Variants in PLCL1 observed in about 807,000 individuals in gnomAD.
PLCL1 encodes the protein inactive phospholipase C-like protein 1.
A neutral mutation model predicts 84.4 loss-of-function variants in PLCL1; 41 were observed. The observed-to-expected ratio is 0.49, with a 90% CI of 0.38 to 0.63. The LOEUF is 0.63. Ranked by LOEUF, PLCL1 falls within the 30% of genes least tolerant of loss-of-function variation. PLCL1 has a pLI of 0.00. For synonymous variants in PLCL1, 490 were observed against 488.3 expected, an observed-to-expected ratio of 1.00 and a Z score of -0.05; for missense variants, 1,206 against 1,367.8, an observed-to-expected ratio of 0.88 and a Z score of 1.87.
At chr2:197,918,017 G>A (rs986827068) in intron 1 of PLCL1, among the ~76,000 whole-genome samples, 7 of 152,186 alleles carry the variant, frequency 4.6e-5, no homozygotes, top group African/African-American at 1.7e-4. Flanking sequence ...GTGGGTTAAA[G>A]TAACTTTACA....
At chr2:197,922,839 C>A in intron 1 of PLCL1, among the ~76,000 whole-genome samples, 1 of 129,754 alleles carries the variant, frequency 7.7e-6, no homozygotes, top group African/African-American at 2.8e-5. Context: ...CCTCACTTCC[C>A]AGTAGGGGCG....
intron 1 of PLCL1, among the ~76,000 whole-genome samples, chr2:197,842,002 T>C (rs1177106020): frequency 6.6e-6 from 1 of 152,226 alleles, no homozygotes; most frequent in Non-Finnish European, 1.5e-5. Context: ...CAGAAGGTTT[T>C]AGCCTATGTT....
At chr2:197,935,940 C>T (rs1052476242) in intron 1 of PLCL1, among the ~76,000 whole-genome samples, 13 of 152,200 alleles carry the variant, frequency 8.5e-5, no homozygotes, top group Non-Finnish European at 1.8e-4. Flanking sequence ...TGTCATTCTA[C>T]TATCTACTTC....
chr2:197,905,620 G>A (rs1688367394), intron 1 of PLCL1, among the ~76,000 whole-genome samples: 1 of 152,188 alleles, frequency 6.6e-6, no homozygotes, highest in African/African-American at 2.4e-5. Flanking sequence ...CCAGTAATGG[G>A]ATTGCTGGGT....
intron 1 of PLCL1, among the ~76,000 whole-genome samples, chr2:197,983,200 C>CTTTTTTTCTTT (rs1690150482): frequency 1.7e-5 from 1 of 60,256 alleles, no homozygotes; most frequent in African/African-American, 6.4e-5. Flanking sequence ...CTTTTCTTTT[C>CTTTTTTTCTTT]TTTTTTTTTT....
intron 2 of PLCL1, 52 bp from the exon 3 acceptor site, chr2:198,088,806 C>A: frequency 2.0e-6 from 2 of 1,014,948 alleles, no homozygotes; most frequent in South Asian, 1.3e-5. Flanking sequence ...GGAGTGCTGG[C>A]GGTGATGTGT....
At chr2:198,095,308 A>G (rs575749874) in intron 3 of PLCL1, among the ~76,000 whole-genome samples, 3 of 152,340 alleles carry the variant, frequency 2.0e-5, no homozygotes, top group South Asian at 2.1e-4. Flanking sequence ...AAAATATCCC[A>G]CTGAAGTAGG....
At chr2:197,974,792 G>A (rs181939871) in intron 1 of PLCL1, among the ~76,000 whole-genome samples, 1 of 152,330 alleles carries the variant, frequency 6.6e-6, no homozygotes, top group Non-Finnish European at 1.5e-5. Flanking sequence ...TCTCAGCTGC[G>A]CTGTCAGAAG....
In PLCL1 at chr2:197,860,961, G is replaced by T. The variant is rs554748605; in HGVS notation, c.240+55622G>T. On this transcript the variant is annotated intron_variant, in intron 1 of 5. Transcript: ENST00000428675. Reference sequence around the variant, plus strand: ...CTTTGCCCGTTCCTATGTCCAGAATGGTATTGTCTAGATTGGGATCCCTGT... The same window carrying T: ...CTTTGCCCGTTCCTATGTCCAGAATTGTATTGTCTAGATTGGGATCCCTGT... Among the ~76,000 whole-genome samples, 3 of 152,256 alleles carry T rather than the reference G, an allele frequency of 2.0e-5. No homozygotes were observed. The South Asian group carries it at 6.2e-4, about 32-fold the overall frequency.
chr2:197,982,574 A>G (rs1013476964), intron 1 of PLCL1, among the ~76,000 whole-genome samples: 12 of 152,222 alleles, frequency 7.9e-5, no homozygotes, highest in Non-Finnish European at 1.3e-4. Context: ...CCAGGATTTT[A>G]CGAATCTCAA....
chr2:198,081,235 G>A (rs966986844), intron 1 of PLCL1, among the ~76,000 whole-genome samples: 5 of 152,134 alleles, frequency 3.3e-5, no homozygotes, highest in Admixed American at 6.5e-5. Flanking sequence ...TGGAACATGA[G>A]CTGCTTATAT....
chr2:197,959,736 T>C (rs1689570762), intron 1 of PLCL1, among the ~76,000 whole-genome samples: 1 of 152,040 alleles, frequency 6.6e-6, no homozygotes, highest in African/African-American at 2.4e-5. Context: ...TTCTAGTTTC[T>C]TGGGAAAAAA....
chr2:197,891,574 A>ATTT (rs773415674), intron 1 of PLCL1, among the ~76,000 whole-genome samples: 1 of 141,804 alleles, frequency 7.1e-6, no homozygotes, highest in Non-Finnish European at 1.5e-5. Context: ...AGGGCTTTAG[A>ATTT]TTTTTTTTTT....
chr2:197,882,594 A>G (rs1047970007), intron 1 of PLCL1, among the ~76,000 whole-genome samples: 4 of 152,200 alleles, frequency 2.6e-5, no homozygotes, highest in Admixed American at 2.6e-4. Flanking sequence ...TATTTTAGCC[A>G]AAGTATGCAT....
intron 1 of PLCL1, among the ~76,000 whole-genome samples, chr2:197,891,734 A>C (rs1688033323): frequency 6.6e-6 from 1 of 152,092 alleles, no homozygotes; most frequent in African/African-American, 2.4e-5. Context: ...GGTTATTTTT[A>C]TCAACAATAA....
At chr2:198,055,361 GAGAA>G (rs1232897121) in intron 1 of PLCL1, among the ~76,000 whole-genome samples, 10 of 65,676 alleles carry the variant, frequency 1.5e-4, no homozygotes, top group African/African-American at 6.8e-4. Flanking sequence ...ATGAGAGAGA[GAGAA>G]AGAGAGAGAG....
At chr2:198,133,292 C>T (rs1038144330) in intron 5 of PLCL1, among the ~76,000 whole-genome samples, 19 of 147,576 alleles carry the variant, frequency 1.3e-4, no homozygotes, top group African/African-American at 4.3e-4. Flanking sequence ...AACCAAACAC[C>T]GCATATTCTC....
At chr2:197,970,766 A>G (rs552175755) in intron 1 of PLCL1, among the ~76,000 whole-genome samples, 13 of 152,262 alleles carry the variant, frequency 8.5e-5, no homozygotes, top group African/African-American at 2.9e-4. Flanking sequence ...ACAACATCCA[A>G]CAGTGTCTGG....
intron 1 of PLCL1, among the ~76,000 whole-genome samples, chr2:197,844,081 A>G (rs1687070642): frequency 1.3e-5 from 2 of 152,186 alleles, no homozygotes; most frequent in Non-Finnish European, 2.9e-5. Context: ...CATTAGGAAG[A>G]AGCTTATGGA....
Sources: allele counts gnomAD v4.1 joint callset (sites outside exome capture counted in the v4.1 genomes callset), GRCh38; gene constraint gnomAD v4.1.1; transcripts MANE v1.5; gene names NCBI Gene and HGNC (gene_info 2026-07-23, HGNC 2026-07-21).